Variants in PCNT observed in about 807,000 individuals in gnomAD.
PCNT encodes kendrin.
PCNT carries 319 observed loss-of-function variants against 380.4 expected under a neutral mutation model. That is an observed-to-expected ratio of 0.84 (90% CI 0.77 to 0.92). The LOEUF (loss-of-function observed/expected upper bound fraction) is 0.92. PCNT is among the 40% of genes least tolerant of loss of function. The pLI is 0.00. For missense variants in PCNT, 4,400 were observed against 4,255.3 expected (o/e 1.03, Z -0.95); for synonymous variants, 1,845 against 1,735.2 (o/e 1.06, Z -1.57).
At position 46,347,315 on chromosome 21, in the gene PCNT, G is replaced by A. The variant is rs926704498; in HGVS notation, c.977-142G>A. 7.2e-6 allele frequency: 6 copies of A among 835,560 alleles called. No individual in the cohort carries two copies. The East Asian group carries it at 1.0e-4, about 14-fold the overall frequency. The allele number at this position is 835,560 out of a possible 1,614,324, so 51.8% of individuals were successfully genotyped here. A position where few individuals can be genotyped will look rare whatever the true frequency, so the allele number is the denominator to read the frequency against. On this transcript the variant is annotated intron_variant, in intron 5 of 46. Coordinates refer to ENST00000359568, the MANE Select transcript of PCNT (RefSeq NM_006031.6). The stretch of plus-strand genomic sequence containing the variant: ...GTCCTCAGTTTGTTATTAAAGCCAA[G>A]CATCATCACAGACACATCCTGCTAG...
At chr21:46,370,899 G>C (rs1400639895) in intron 15 of PCNT, among the ~76,000 whole-genome samples, 1 of 152,192 alleles carries the variant, frequency 6.6e-6, no homozygotes, top group Non-Finnish European at 1.5e-5. Context: ...GACAGGCATG[G>C]TGGTGGGCGC....
intron 15 of PCNT, among the ~76,000 whole-genome samples, chr21:46,379,420 A>AT (rs577678572): frequency 3.1e-3 from 471 of 152,284 alleles, no homozygotes; most frequent in Middle Eastern, 6.8e-3. Context: ...TTTGGCTGTG[A>AT]TGGGTGAAGT....
intron 38 of PCNT, among the ~76,000 whole-genome samples, chr21:46,435,579 G>A (rs1050710463): frequency 2.7e-5 from 4 of 149,928 alleles, no homozygotes; most frequent in Admixed American, 1.3e-4. Flanking sequence ...GTCTCACTCT[G>A]TTGTCCAGGC....
intron 15 of PCNT, among the ~76,000 whole-genome samples, chr21:46,370,228 G>C (rs796443235): frequency 6.6e-6 from 1 of 152,060 alleles, no homozygotes. Context: ...GGCATCCGGG[G>C]GGGGGTGTCT....
chr21:46,354,923 G>A (rs759151419), intron 11 of PCNT, among the ~76,000 whole-genome samples: 3 of 152,198 alleles, frequency 2.0e-5, no homozygotes, highest in Non-Finnish European at 4.4e-5. Context: ...ACCTTCCCAC[G>A]AGCAGGCCTT....
intron 15 of PCNT, among the ~76,000 whole-genome samples, chr21:46,372,243 A>T (rs912585996): frequency 2.0e-5 from 3 of 151,716 alleles, no homozygotes; most frequent in Non-Finnish European, 4.4e-5. Flanking sequence ...CAGCACATGC[A>T]CATACACAGC....
intron 35 of PCNT, 99 bp from the exon 36 acceptor site, chr21:46,429,911 A>G (rs2087678446): frequency 6.6e-6 from 6 of 910,866 alleles, no homozygotes; most frequent in Non-Finnish European, 8.8e-6. Flanking sequence ...CCCGAAGCAC[A>G]TACACCTCAC....
intron 21 of PCNT, among the ~76,000 whole-genome samples, chr21:46,396,042 T>C (rs538933666): frequency 2.0e-5 from 3 of 152,064 alleles, no homozygotes; most frequent in African/African-American, 7.2e-5. Context: ...TCGGAAATAA[T>C]AGTAATAAAA....
rs558134215 is a variant in PCNT at position 46,364,645 on chromosome 21, G to T, written c.2609+711G>T. Among the ~76,000 whole-genome samples, 33 of 152,282 alleles carry T rather than the reference G, an allele frequency of 2.2e-4. No individual in the cohort carries two copies. In the South Asian group the frequency reaches 4.8e-3, roughly 22 times the overall value. ...CACTCTTCTTTGAAGTTTTCAAGAGGTTTAGAAAGTGATTGGGTTCTTTGC... is the reference window on the plus strand; with the variant it reads ...CACTCTTCTTTGAAGTTTTCAAGAGTTTTAGAAAGTGATTGGGTTCTTTGC... On this transcript the variant is annotated intron_variant, in intron 14 of 46. Transcript: ENST00000359568.
At position 46,390,572 on chromosome 21, in the gene PCNT, C is replaced by G. The variant is rs1601935782; in HGVS notation, c.3841-98C>G. ...CTGGCCCTGCCTGGGTGGTGACGGCCTGAAGGGTCTGGGGGTAGAAGTGGC... is the reference window on the plus strand; with the variant it reads ...CTGGCCCTGCCTGGGTGGTGACGGCGTGAAGGGTCTGGGGGTAGAAGTGGC... On this transcript the variant is annotated intron_variant, in intron 19 of 46. Transcript: ENST00000359568. The G allele has an allele frequency of 4.5e-6, 6 of 1,322,772 alleles. No homozygotes were observed. In the East Asian group the frequency reaches 1.4e-4, roughly 32 times the overall value. 81.9% of individuals were successfully genotyped at this position (1,322,772 alleles called of 1,614,324 possible). A position where few individuals can be genotyped will look rare whatever the true frequency, so the allele number is the denominator to read the frequency against.
At chr21:46,332,911 C>A (rs2083602624) in intron 2 of PCNT, among the ~76,000 whole-genome samples, 1 of 151,854 alleles carries the variant, frequency 6.6e-6, no homozygotes, top group Non-Finnish European at 1.5e-5. Flanking sequence ...GATTTTGAGG[C>A]CAGCTTTGGA....
At chr21:46,356,455 A>G (rs1289685049) in intron 12 of PCNT, among the ~76,000 whole-genome samples, 1 of 152,224 alleles carries the variant, frequency 6.6e-6, no homozygotes, top group African/African-American at 2.4e-5. Context: ...GCCAGCACCT[A>G]GTCCCTTCTG....
rs1328585813 is a variant in PCNT, at chr21:46,425,301, G to A, written c.7180-530G>A. 1.3e-5 allele frequency among the ~76,000 whole-genome samples: 2 copies of A among 152,232 alleles called. No individual in the cohort carries two copies. Among genetic ancestry groups the A allele is most frequent in the African/African-American group, 4.8e-5 (2 of 41,464 alleles). On this transcript the variant is annotated intron_variant, in intron 32 of 46. Transcript: ENST00000359568. This position sits in a 1 kb window ranked among gnomAD's most constrained non-coding sequence, Gnocchi z 4.2. The stretch of plus-strand genomic sequence containing the variant: ...CAGACCTGTGGGCAGGGCCTGCTGG[G>A]GATGGTTTTCTCTGCTCCCCGTGCC...
intron 3 of PCNT, among the ~76,000 whole-genome samples, chr21:46,336,841 T>C (rs1467377956): frequency 1.3e-5 from 2 of 151,968 alleles, no homozygotes; most frequent in East Asian, 1.9e-4. Context: ...TACATACTGA[T>C]ACCTCAGAGC....
chr21:46,327,653 T>C (rs189190026), intron 2 of PCNT, among the ~76,000 whole-genome samples: 1 of 152,380 alleles, frequency 6.6e-6, no homozygotes, highest in East Asian at 1.9e-4. Context: ...AATGGAAGAC[T>C]GGGAGTTCTT....
intron 38 of PCNT, among the ~76,000 whole-genome samples, chr21:46,435,559 T>TTTGTG (rs1352961075): frequency 6.6e-6 from 1 of 150,396 alleles, no homozygotes; most frequent in Non-Finnish European, 1.5e-5. Context: ...TTTGTTTTGT[T>TTTGTG]TGAGATGGAG....
At chr21:46,356,000 C>G (rs1328794408) in intron 12 of PCNT, among the ~76,000 whole-genome samples, 1 of 152,224 alleles carries the variant, frequency 6.6e-6, no homozygotes, top group Non-Finnish European at 1.5e-5. Context: ...CCAGCAGGCC[C>G]AGGTACCCCA....
intron 31 of PCNT, among the ~76,000 whole-genome samples, chr21:46,419,786 G>T (rs972491071): frequency 1.3e-5 from 2 of 152,036 alleles, no homozygotes; most frequent in African/African-American, 2.4e-5. Flanking sequence ...TCTCACGCAG[G>T]CTGGAGTGCA....
chr21:46,370,789 A>T (rs1239530795), intron 15 of PCNT, among the ~76,000 whole-genome samples: 1 of 152,154 alleles, frequency 6.6e-6, no homozygotes, highest in Non-Finnish European at 1.5e-5. Flanking sequence ...TAATCCCAGC[A>T]CTTTGGGAGG....
Sources: allele counts gnomAD v4.1 joint callset (sites outside exome capture counted in the v4.1 genomes callset), GRCh38; gene constraint gnomAD v4.1.1; non-coding constraint Gnocchi (gnomAD v3.1); transcripts MANE v1.5; gene names NCBI Gene and HGNC (gene_info 2026-07-23, HGNC 2026-07-21).